MYO16: variants seen among roughly 807,000 people sequenced by gnomAD.
MYO16 encodes unconventional myosin-XVI.
MYO16 carries 94 observed loss-of-function variants against 205.3 expected under a neutral mutation model. The observed-to-expected ratio is 0.46, with a 90% confidence interval of 0.39 to 0.54. MYO16 has a LOEUF of 0.54. Among genes scored for constraint, MYO16 ranks in the 20% least tolerant of loss-of-function variants. MYO16 has a pLI of 0.00. For synonymous variants in MYO16, 988 were observed against 954.0 expected (o/e 1.04, Z -0.66); for missense variants, 2,315 against 2,387.5 (o/e 0.97, Z 0.63).
chr13:109,148,016 G>T (rs1280271550), intron 32 of MYO16, among the ~76,000 whole-genome samples: 3 of 151,802 alleles, frequency 2.0e-5, no homozygotes, highest in Admixed American at 6.6e-5. Flanking sequence ...CTCTTTGGAA[G>T]AAAAGGATTT....
chr13:108,966,024 C>T (rs1883780023), intron 20 of MYO16, among the ~76,000 whole-genome samples: 1 of 152,100 alleles, frequency 6.6e-6, no homozygotes, highest in African/African-American at 2.4e-5. Flanking sequence ...ATATAGACAT[C>T]TCAGAAGATT....
intron 22 of MYO16, 67 bp from the exon 23 acceptor site, chr13:109,019,644 G>C (rs1022089477): frequency 5.6e-5 from 72 of 1,283,756 alleles, no homozygotes; most frequent in Non-Finnish European, 7.4e-5. Context: ...AAGCATGCTT[G>C]AATAATAACA....
intron 7 of MYO16, among the ~76,000 whole-genome samples, chr13:108,814,859 G>A (rs1887401163): frequency 6.6e-6 from 1 of 152,142 alleles, no homozygotes; most frequent in Non-Finnish European, 1.5e-5. Context: ...AAATGCCACA[G>A]AAAATGTTAC....
chr13:108,498,601 A>AAAG, the MYO16 span, among the ~76,000 whole-genome samples: 8 of 152,350 alleles, frequency 5.3e-5, no homozygotes, highest in African/African-American at 1.7e-4. Flanking sequence ...AAGAGTGAGC[A>AAAG]TGTGAAGAGA....
intron 27 of MYO16, among the ~76,000 whole-genome samples, chr13:109,100,228 G>T (rs1403339246): frequency 6.6e-6 from 1 of 152,184 alleles, no homozygotes; most frequent in African/African-American, 2.4e-5. Context: ...GCTAGGGAAT[G>T]AAAGTCAATT....
In MYO16 at chr13:108,785,716, A is replaced by G. The variant is rs757217133; in HGVS notation, c.589A>G (p.Ile197Val). 6.2e-7 allele frequency: 1 copy of G among 1,611,900 alleles called. No individual in the cohort carries two copies. Among genetic ancestry groups the G allele is most frequent in the South Asian group, 1.1e-5 (1 of 90,682 alleles). The change falls in exon 5 of 35, where the codon ATC (isoleucine) becomes GTC (valine). Residue 197 changes from isoleucine to valine, a missense_variant. Around this residue, in one of 3 missense-constraint regions of MYO16, gnomAD observed 1,213 missense variants for 1,274.4 expected, o/e 0.95. Coordinates refer to ENST00000457511, the MANE Select transcript of MYO16 (RefSeq NM_001198950.3). The part of the protein sequence containing the change: ...YAVEGTESSS[I>V]LLTYLDENGV... ...TGTAGAAGGGACAGAATCCAGCTCT[A>G]TCCTGTTGACCTATCTGGATGAAAA...
rs1196427833 is a variant in MYO16, at chr13:108,733,549, A to G, written c.507+5966A>G. On this transcript the variant is annotated intron_variant, in intron 4 of 34. Transcript: ENST00000457511. ...ATTGCTTATAATTCATTCAGAGCTA[A>G]GAGTCCCTAAGTGGGCTAATAATAT... is the stretch of plus-strand genomic sequence containing the variant. 2.0e-5 allele frequency among the ~76,000 whole-genome samples: 3 copies of G among 151,792 alleles called. No individual in the cohort carries two copies. The Admixed American group carries it at 2.0e-4, about 10-fold the overall frequency.
At chr13:108,707,599 T>A (rs1488132984) in intron 2 of MYO16, among the ~76,000 whole-genome samples, 1 of 152,188 alleles carries the variant, frequency 6.6e-6, no homozygotes, top group Non-Finnish European at 1.5e-5. Flanking sequence ...TTGAGAATAC[T>A]GTGTGTCCTG....
intron 1 of MYO16, among the ~76,000 whole-genome samples, chr13:108,623,575 T>C (rs1879619997): frequency 1.3e-5 from 2 of 152,196 alleles, no homozygotes; most frequent in African/African-American, 2.4e-5. Flanking sequence ...ATACTCCACT[T>C]CATTTCTTTC....
intron 25 of MYO16, 135 bp from the exon 26 acceptor site, chr13:109,054,908 TTTC>T (rs1485757176): frequency 1.8e-5 from 10 of 557,586 alleles, no homozygotes; most frequent in African/African-American, 1.6e-4. Context: ...TCCTCCTTCT[TTTC>T]TTCTTCCTTC....
chr13:108,546,251 C>T, the MYO16 span, among the ~76,000 whole-genome samples: 2 of 152,068 alleles, frequency 1.3e-5, no homozygotes, highest in African/African-American at 2.4e-5. Flanking sequence ...TGCCAGAGGC[C>T]CTTAGGGTTG....
intron 24 of MYO16, among the ~76,000 whole-genome samples, chr13:109,050,629 G>A (rs1002285658): frequency 1.3e-5 from 2 of 152,034 alleles, no homozygotes; most frequent in African/African-American, 4.8e-5. Flanking sequence ...TATTTCTTAT[G>A]ATTGCAAAAT....
intron 6 of MYO16, among the ~76,000 whole-genome samples, chr13:108,797,906 A>T (rs1011710857): frequency 6.6e-6 from 1 of 152,226 alleles, no homozygotes; most frequent in African/African-American, 2.4e-5. Flanking sequence ...AGAGCAATAA[A>T]TAGCTATCAT....
intron 20 of MYO16, among the ~76,000 whole-genome samples, chr13:108,975,554 C>T (rs189185314): frequency 6.6e-6 from 1 of 152,216 alleles, no homozygotes; most frequent in Admixed American, 6.5e-5. Context: ...TCAGGAGCAT[C>T]TCAGGTATGA....
chr13:108,862,536 T>G (rs1178754287), intron 11 of MYO16, among the ~76,000 whole-genome samples: 1 of 152,170 alleles, frequency 6.6e-6, no homozygotes, highest in Non-Finnish European at 1.5e-5. Flanking sequence ...CCTAAACAGG[T>G]GACCCCAGGG....
intron 28 of MYO16, among the ~76,000 whole-genome samples, chr13:109,119,067 C>T (rs984844517): frequency 6.6e-6 from 1 of 152,116 alleles, no homozygotes; most frequent in Non-Finnish European, 1.5e-5. Context: ...ATTAAGACAA[C>T]AGATCATGTA....
At chr13:108,948,380 G>A (rs1883014626) in intron 16 of MYO16, among the ~76,000 whole-genome samples, 1 of 152,188 alleles carries the variant, frequency 6.6e-6, no homozygotes, top group Non-Finnish European at 1.5e-5. Context: ...TCTCTGACTT[G>A]GTGAATGGAC....
intron 16 of MYO16, among the ~76,000 whole-genome samples, chr13:108,956,279 G>T (rs1056384159): frequency 2.0e-5 from 3 of 151,838 alleles, no homozygotes; most frequent in African/African-American, 7.3e-5. Flanking sequence ...ACCTCCCCGT[G>T]CCCAGTTCAC....
At chr13:108,631,519 T>C (rs1164660025) in intron 1 of MYO16, among the ~76,000 whole-genome samples, 1 of 152,244 alleles carries the variant, frequency 6.6e-6, no homozygotes, top group Non-Finnish European at 1.5e-5. Flanking sequence ...AGATGAAATC[T>C]AAAATTAATG....
Sources: allele counts gnomAD v4.1 joint callset (sites outside exome capture counted in the v4.1 genomes callset), GRCh38; gene constraint gnomAD v4.1.1; regional missense constraint gnomAD v4.1.1; transcripts MANE v1.5; gene names NCBI Gene and HGNC (gene_info 2026-07-23, HGNC 2026-07-21).